RUNX2: variants seen among roughly 807,000 people sequenced by gnomAD.
RUNX2 encodes RUNX family transcription factor 2.
In RUNX2, 10 loss-of-function variants were observed where a neutral mutation model predicts 51.7. That is an observed-to-expected ratio of 0.19 (90% confidence interval 0.12 to 0.33). The LOEUF (loss-of-function observed/expected upper bound fraction) is 0.33, where lower values mean the gene tolerates loss of function less well. RUNX2 is among the 10% of genes least tolerant of loss of function. RUNX2 has a pLI of 1.00. For missense variants in RUNX2, 562 were observed against 691.3 expected (o/e 0.81, Z 2.10); for synonymous variants, 276 against 273.6 (o/e 1.01, Z -0.09).
chr6:45,483,717 C>T (rs1800180102), intron 5 of RUNX2, among the ~76,000 whole-genome samples: 1 of 152,188 alleles, frequency 6.6e-6, no homozygotes, highest in Non-Finnish European at 1.5e-5. Flanking sequence ...GCTCTCGAGA[C>T]AGGAAACACC....
intron 2 of RUNX2, among the ~76,000 whole-genome samples, chr6:45,417,219 C>G (rs1415852472): frequency 6.6e-6 from 1 of 152,188 alleles, no homozygotes; most frequent in Non-Finnish European, 1.5e-5. Context: ...ATGTGCAACA[C>G]AGTTGGAATA....
At chr6:45,499,213 TC>T (rs1181193049) in intron 6 of RUNX2, among the ~76,000 whole-genome samples, 1 of 152,206 alleles carries the variant, frequency 6.6e-6, no homozygotes, top group Non-Finnish European at 1.5e-5. Context: ...TGTTGTAATT[TC>T]TGAAGTTCCT....
intron 5 of RUNX2, among the ~76,000 whole-genome samples, chr6:45,485,045 C>T (rs1017634748): frequency 5.9e-5 from 9 of 152,188 alleles, no homozygotes; most frequent in Non-Finnish European, 1.0e-4. Context: ...CAATCACATA[C>T]TTGGTGACAG....
chr6:45,410,984 A>G (rs1298912833), intron 2 of RUNX2, among the ~76,000 whole-genome samples: 1 of 152,166 alleles, frequency 6.6e-6, no homozygotes, highest in Non-Finnish European at 1.5e-5. Context: ...CCAATCTTTT[A>G]GGATGTGCAG....
intron 2 of RUNX2, among the ~76,000 whole-genome samples, chr6:45,352,729 T>C (rs915917015): frequency 6.6e-6 from 1 of 151,614 alleles, no homozygotes; most frequent in African/African-American, 2.4e-5. Context: ...TTCTTTAAAA[T>C]AGAACCATTT....
intron 2 of RUNX2, among the ~76,000 whole-genome samples, chr6:45,344,916 G>A (rs966627994): frequency 1.3e-5 from 2 of 152,140 alleles, no homozygotes; most frequent in Non-Finnish European, 2.9e-5. Context: ...TTTACAAGCA[G>A]GATAGTTTAG....
chr6:45,482,804 C>G (rs893289915), intron 5 of RUNX2, among the ~76,000 whole-genome samples: 1 of 152,160 alleles, frequency 6.6e-6, no homozygotes, highest in Non-Finnish European at 1.5e-5. Flanking sequence ...ATGTTTCACC[C>G]AAGAGACTGG....
At chr6:45,495,992 C>T (rs530362921) in intron 6 of RUNX2, among the ~76,000 whole-genome samples, 1 of 152,162 alleles carries the variant, frequency 6.6e-6, no homozygotes, top group African/African-American at 2.4e-5. Context: ...AGCTGAAGGC[C>T]CAGGGCCTCC....
chr6:45,447,919 G>A (rs1010957795), intron 5 of RUNX2, among the ~76,000 whole-genome samples: 14 of 152,164 alleles, frequency 9.2e-5, no homozygotes, highest in Admixed American at 7.2e-4. Flanking sequence ...TGTGAGAGGC[G>A]TTCTGCTGAA....
chr6:45,512,199 G>A (rs747034128), intron 6 of RUNX2, 47 bp from the exon 7 acceptor site: 1 of 1,597,588 alleles, frequency 6.3e-7, no homozygotes, highest in Non-Finnish European at 8.5e-7. Flanking sequence ...TGTTTCTAAG[G>A]CTGCAATGGT....
chr6:45,470,926 T>A (rs1741506932), intron 5 of RUNX2, among the ~76,000 whole-genome samples: 1 of 152,200 alleles, frequency 6.6e-6, no homozygotes, highest in African/African-American at 2.4e-5. Context: ...CCTCTACCAC[T>A]CTGTCCCAGA....
intron 3 of RUNX2, among the ~76,000 whole-genome samples, chr6:45,425,711 C>T (rs938150582): frequency 2.6e-5 from 4 of 152,174 alleles, no homozygotes; most frequent in African/African-American, 9.7e-5. Flanking sequence ...CCTGAGAGCA[C>T]TAGACTTTCT....
Position 45,394,067 on chromosome 6 carries a change from C to T in RUNX2, c.59-28526C>T, listed in dbSNP as rs1022242166. ...AGCTGGGATTAGAGGCGTGCACCAC[C>T]ATGCCCAGCTAATTTTTGTATTTTT... On this transcript the variant is annotated intron_variant, in intron 2 of 8. Coordinates refer to ENST00000647337, the MANE Select transcript of RUNX2 (RefSeq NM_001024630.4). 5.9e-5 allele frequency among the ~76,000 whole-genome samples: 9 copies of T among 152,076 alleles called. No homozygotes were observed. In the Middle Eastern group the frequency reaches 0.017, roughly 287 times the overall value.
At chr6:45,355,984 A>C (rs1379463555) in intron 2 of RUNX2, among the ~76,000 whole-genome samples, 1 of 152,210 alleles carries the variant, frequency 6.6e-6, no homozygotes, top group African/African-American at 2.4e-5. Context: ...TGAAAGGCTA[A>C]TAGAACTCTA....
rs1801411640 is a variant in RUNX2, at chr6:45,518,805, T to G, written c.1021+6398T>G. On this transcript the variant is annotated intron_variant, in intron 7 of 8. Transcript: ENST00000647337. ...TTATTGAGGATTTGCTGAAATCTCC[T>G]TTCCATCAAAGAAAACTTGAGTGTA... Among the ~76,000 whole-genome samples, 3 of 152,188 alleles carry G rather than the reference T, an allele frequency of 2.0e-5. No individual in the cohort carries two copies. The South Asian group carries it at 6.2e-4, about 31-fold the overall frequency.
intron 2 of RUNX2, among the ~76,000 whole-genome samples, chr6:45,399,421 A>G (rs1427020608): frequency 8.4e-6 from 1 of 118,660 alleles, no homozygotes; most frequent in Non-Finnish European, 1.6e-5. Flanking sequence ...GTGTAGTGGC[A>G]CGATCTTGGC....
At chr6:45,540,143 A>C (rs1394865825) in intron 7 of RUNX2, among the ~76,000 whole-genome samples, 1 of 152,172 alleles carries the variant, frequency 6.6e-6, no homozygotes, top group African/African-American at 2.4e-5. Context: ...GCTTAGGAGC[A>C]GTGGGATATG....
intron 2 of RUNX2, among the ~76,000 whole-genome samples, chr6:45,347,071 C>CA (rs1791036320): frequency 6.6e-6 from 1 of 152,050 alleles, no homozygotes; most frequent in Non-Finnish European, 1.5e-5. Context: ...AAATTGAACA[C>CA]ATTTTAAATA....
chr6:45,402,656 C>T (rs1052610313), intron 2 of RUNX2, among the ~76,000 whole-genome samples: 8 of 152,034 alleles, frequency 5.3e-5, no homozygotes, highest in Admixed American at 1.3e-4. Context: ...TGCTTGAGGC[C>T]GGGAGTTCAA....
Sources: gnomAD v4.1 joint callset for allele counts (sites outside exome capture counted in the v4.1 genomes callset) on GRCh38, gnomAD v4.1.1 for gene constraint, MANE v1.5 for transcripts, NCBI Gene and HGNC (gene_info 2026-07-23, HGNC 2026-07-21) for gene names.